Variants in L3MBTL4 observed in about 807,000 individuals in gnomAD.
The protein encoded by L3MBTL4 is lethal(3)malignant brain tumor-like protein 4.
In L3MBTL4, 70 loss-of-function variants were observed where a neutral mutation model predicts 84.5. The ratio of observed to expected loss-of-function variants is 0.83; its 90% CI spans 0.68 to 1.01. The LOEUF (loss-of-function observed/expected upper bound fraction) is 1.01, where lower values mean the gene tolerates loss of function less well. Among genes scored for constraint, L3MBTL4 ranks in the 50% least tolerant of loss-of-function variants. The pLI is 0.00. For synonymous variants in L3MBTL4, 274 were observed against 259.8 expected (o/e 1.05, Z -0.52); for missense variants, 715 against 754.8 (o/e 0.95, Z 0.62).
chr18:5,979,909 G>C lies in L3MBTL4; in HGVS notation c.1445-10347C>G, dbSNP rs952848422. On this transcript the variant is annotated intron_variant, in intron 16 of 18. Coordinates refer to ENST00000317931, the MANE Select transcript of L3MBTL4 (RefSeq NM_001330559.2). Reference sequence around the variant, plus strand: ...GACCCTTGGAGACCTAGTCAAAGGAGCACCTTAGGGTACAGGAATGACAGC... The same window carrying C: ...GACCCTTGGAGACCTAGTCAAAGGACCACCTTAGGGTACAGGAATGACAGC... Among the ~76,000 whole-genome samples the C allele has an allele frequency of 2.6e-5, 4 of 152,146 alleles. No homozygotes were observed. In the South Asian group the frequency reaches 8.3e-4, roughly 31 times the overall value.
chr18:6,087,740 C>T (rs536311240), intron 15 of L3MBTL4, among the ~76,000 whole-genome samples: 2 of 152,288 alleles, frequency 1.3e-5, no homozygotes, highest in African/African-American at 4.8e-5. Context: ...ACTGGTCCAA[C>T]TGCAAGACTT....
intron 14 of L3MBTL4, among the ~76,000 whole-genome samples, chr18:6,114,689 T>C (rs2059303848): frequency 6.6e-6 from 1 of 152,232 alleles, no homozygotes; most frequent in Non-Finnish European, 1.5e-5. Context: ...CTGAAACCTT[T>C]TTTCCATTAT....
intron 1 of L3MBTL4, among the ~76,000 whole-genome samples, chr18:6,366,870 T>C (rs1313912785): frequency 6.6e-6 from 1 of 152,264 alleles, no homozygotes; most frequent in Non-Finnish European, 1.5e-5. Context: ...AATTCGTGAA[T>C]GTATTGTATA....
intron 16 of L3MBTL4, among the ~76,000 whole-genome samples, chr18:6,035,587 C>A (rs969457740): frequency 2.0e-5 from 3 of 152,146 alleles, no homozygotes; most frequent in African/African-American, 7.2e-5. Context: ...TAGTGTGATG[C>A]CTCTGGCTTT....
At chr18:6,398,445 C>T (rs1227524706) in intron 1 of L3MBTL4, among the ~76,000 whole-genome samples, 1 of 152,120 alleles carries the variant, frequency 6.6e-6, no homozygotes, top group African/African-American at 2.4e-5. Context: ...GTTCAAAATG[C>T]CAACAGCAAG....
chr18:6,402,773 T>G (rs1035203744), intron 1 of L3MBTL4, among the ~76,000 whole-genome samples: 3 of 152,168 alleles, frequency 2.0e-5, no homozygotes, highest in African/African-American at 7.2e-5. Flanking sequence ...ATGATAACGT[T>G]TGAGAGTGTC....
intron 16 of L3MBTL4, among the ~76,000 whole-genome samples, chr18:6,062,022 T>G (rs1305883432): frequency 6.6e-6 from 1 of 152,006 alleles, no homozygotes; most frequent in Non-Finnish European, 1.5e-5. Context: ...TGTTATCAAT[T>G]AAGACTATAA....
Position 6,093,411 on chromosome 18 carries a change from T to G in L3MBTL4, c.1317A>C (p.Lys439Asn). 1.2e-6 allele frequency: 2 copies of G among 1,613,828 alleles called. No individual in the cohort carries two copies. The highest frequency in any genetic ancestry group is 1.7e-6 in the Non-Finnish European group (2 of 1,179,914). The change falls in exon 15 of 19, where the codon AAA (lysine) becomes AAC (asparagine). Residue 439 changes from lysine (K) to asparagine (N), a missense_variant. Transcript: ENST00000317931. ...LESDSSHSKS[K>N]SLCSLNFNGK... ...CATTGAAGTTCAAACTACAGAGGCT[T>G]TTTGATTTTGAATGTGAAGAGTCTG...
At chr18:6,333,541 C>T (rs954293389) in intron 1 of L3MBTL4, among the ~76,000 whole-genome samples, 3 of 150,348 alleles carry the variant, frequency 2.0e-5, no homozygotes, top group Non-Finnish European at 4.4e-5. Context: ...CGCCACTGCA[C>T]TCCAGCCTGG....
chr18:5,959,639 A>G (rs947783675), intron 18 of L3MBTL4, among the ~76,000 whole-genome samples: 1 of 152,126 alleles, frequency 6.6e-6, no homozygotes, highest in Non-Finnish European at 1.5e-5. Flanking sequence ...TGGAGTAGAC[A>G]AATCCCCAAT....
chr18:6,025,367 C>G (rs973417313), intron 16 of L3MBTL4: 1 of 152,224 alleles, frequency 6.6e-6, no homozygotes, highest in Non-Finnish European at 1.5e-5. Context: ...CCCCACAGAC[C>G]TCACCGCATC....
intron 16 of L3MBTL4, among the ~76,000 whole-genome samples, chr18:6,057,787 T>C (rs1369572417): frequency 2.6e-5 from 4 of 152,176 alleles, no homozygotes; most frequent in South Asian, 2.1e-4. Context: ...ATACACGGTG[T>C]ACCCCCACAA....
At chr18:6,345,424 A>AC (rs201367024) in intron 1 of L3MBTL4, among the ~76,000 whole-genome samples, 83 of 146,326 alleles carry the variant, frequency 5.7e-4, no homozygotes, top group African/African-American at 1.7e-3. Context: ...AAACAAACAA[A>AC]AAAAACCATA....
intron 16 of L3MBTL4, among the ~76,000 whole-genome samples, chr18:6,063,299 CTGTG>C (rs61413638): frequency 0.018 from 2,479 of 141,178 alleles, 37 homozygotes; most frequent in Middle Eastern, 0.074. Context: ...CTATAAATAT[CTGTG>C]TGTGTGTGTG....
intron 4 of L3MBTL4, among the ~76,000 whole-genome samples, chr18:6,267,192 C>A (rs1298491430): frequency 6.6e-6 from 1 of 152,032 alleles, no homozygotes; most frequent in Non-Finnish European, 1.5e-5. Context: ...AAATTAGACT[C>A]AAAAAAGCAT....
chr18:6,348,097 G>T (rs1018384651), intron 1 of L3MBTL4, among the ~76,000 whole-genome samples: 1 of 151,606 alleles, frequency 6.6e-6, no homozygotes, highest in African/African-American at 2.4e-5. Flanking sequence ...AGATGAATGA[G>T]AACTTTAAAC....
chr18:6,025,115 G>A (rs985378426), intron 16 of L3MBTL4: 3 of 152,160 alleles, frequency 2.0e-5, no homozygotes, highest in African/African-American at 7.2e-5. Flanking sequence ...TTTGCAGAGA[G>A]CATGAGAAAA....
intron 12 of L3MBTL4, among the ~76,000 whole-genome samples, chr18:6,183,486 G>C (rs2044576884): frequency 6.6e-6 from 1 of 152,162 alleles, no homozygotes; most frequent in Non-Finnish European, 1.5e-5. Flanking sequence ...CAGGACAAAG[G>C]CCTTTTCAGG....
chr18:6,038,096 A>G (rs535974736), intron 16 of L3MBTL4, among the ~76,000 whole-genome samples: 2 of 152,296 alleles, frequency 1.3e-5, no homozygotes, highest in African/African-American at 2.4e-5. Flanking sequence ...TTCTAGTTCA[A>G]TGACAGAGAG....
Sources: gnomAD v4.1 joint callset for allele counts (sites outside exome capture counted in the v4.1 genomes callset) on GRCh38, gnomAD v4.1.1 for gene constraint, MANE v1.5 for transcripts, NCBI Gene and HGNC (gene_info 2026-07-23, HGNC 2026-07-21) for gene names.